Variants in ANO10 observed in about 807,000 individuals in gnomAD.
The protein encoded by ANO10 is anoctamin 10, also known as anoctamin-10.
A neutral mutation model predicts 74.7 loss-of-function variants in ANO10; 77 were observed. The observed-to-expected ratio is 1.03, with a 90% CI of 0.86 to 1.25. ANO10 has a LOEUF of 1.25. ANO10 is among the 50% of genes most tolerant of loss of function. The pLI, the probability that ANO10 is intolerant of heterozygous loss-of-function variation, is 0.00. For missense variants in ANO10, 721 were observed against 778.1 expected (o/e 0.93, Z 0.87); for synonymous variants, 279 against 284.9 (o/e 0.98, Z 0.21).
chr3:43,483,715 T>C (rs1361917699), intron 11 of ANO10, among the ~76,000 whole-genome samples: 2 of 152,198 alleles, frequency 1.3e-5, no homozygotes, highest in Non-Finnish European at 2.9e-5. Flanking sequence ...TTTGGTTTTA[T>C]ACATTTTAGG....
chr3:43,555,181 A>C (rs2079677736), intron 10 of ANO10, 97 bp downstream of exon 10: 5 of 1,275,194 alleles, frequency 3.9e-6, no homozygotes, highest in Non-Finnish European at 5.6e-6. Flanking sequence ...AGTTTTCCTA[A>C]ATCTCTCTGT....
At chr3:43,545,513 G>T (rs544153825) in intron 11 of ANO10, among the ~76,000 whole-genome samples, 1 of 151,944 alleles carries the variant, frequency 6.6e-6, no homozygotes, top group South Asian at 2.1e-4. Context: ...TTACAGGCAC[G>T]CACCACCATG....
intron 11 of ANO10, among the ~76,000 whole-genome samples, chr3:43,509,838 T>C (rs1285478329): frequency 5.9e-5 from 9 of 152,206 alleles, no homozygotes. Flanking sequence ...AATTGTGGTA[T>C]ATATATACCA....
In ANO10 at chr3:43,547,115, T is replaced by C. The variant is rs543336503; in HGVS notation, c.1797+2605A>G. Among the ~76,000 whole-genome samples, 4 of 152,202 alleles carry C rather than the reference T, an allele frequency of 2.6e-5. No homozygotes were observed. In the East Asian group the frequency reaches 5.8e-4, roughly 22 times the overall value. ...ATGATATATTTCTCTTCTGAGACCA[T>C]TGAGACTAGAAGGAAATACCAAAAT... On this transcript the variant is annotated intron_variant, in intron 11 of 12. Transcript: ENST00000292246.
chr3:43,574,743 T>A (rs1335686969), intron 7 of ANO10, 66 bp downstream of exon 7: 1 of 1,220,218 alleles, frequency 8.2e-7, no homozygotes, highest in African/African-American at 1.5e-5. Context: ...CATATTTGTA[T>A]TCCTATATAT....
intron 11 of ANO10, among the ~76,000 whole-genome samples, chr3:43,463,359 G>GA (rs757599488): frequency 5.9e-5 from 9 of 152,164 alleles, no homozygotes; most frequent in Non-Finnish European, 2.9e-5. Flanking sequence ...GCTATGAAGA[G>GA]AAAATAGCTT....
chr3:43,654,790 A>G (rs1020766671), intron 1 of ANO10, among the ~76,000 whole-genome samples: 2 of 152,160 alleles, frequency 1.3e-5, no homozygotes, highest in East Asian at 3.9e-4. Flanking sequence ...ACTGCCATAA[A>G]CAACCAGTGC....
intron 12 of ANO10, among the ~76,000 whole-genome samples, chr3:43,372,023 C>A (rs540503164): frequency 1.3e-5 from 2 of 152,102 alleles, no homozygotes; most frequent in African/African-American, 4.8e-5. Context: ...GCCTGTCAGG[C>A]GGTCCTGGAG....
intron 11 of ANO10, among the ~76,000 whole-genome samples, chr3:43,494,152 A>AT (rs535254486): frequency 1.5e-3 from 221 of 152,338 alleles, no homozygotes; most frequent in African/African-American, 5.1e-3. Flanking sequence ...AAGAGCAAAC[A>AT]TAAAATAATT....
At chr3:43,688,986 G>A (rs2084313092) in intron 1 of ANO10, among the ~76,000 whole-genome samples, 1 of 152,170 alleles carries the variant, frequency 6.6e-6, no homozygotes, top group African/African-American at 2.4e-5. Flanking sequence ...CACGGCAGAG[G>A]GCAAAGCGGG....
intron 2 of ANO10, among the ~76,000 whole-genome samples, chr3:43,602,782 G>A (rs2082395034): frequency 6.6e-6 from 1 of 152,174 alleles, no homozygotes; most frequent in African/African-American, 2.4e-5. Context: ...GGCTTATATG[G>A]AGCTCATCAA....
At chr3:43,501,637 C>T (rs1340492821) in intron 11 of ANO10, among the ~76,000 whole-genome samples, 1 of 152,124 alleles carries the variant, frequency 6.6e-6, no homozygotes, top group Non-Finnish European at 1.5e-5. Flanking sequence ...GCAATGAAGA[C>T]TAAGATTGTT....
intron 4 of ANO10, among the ~76,000 whole-genome samples, chr3:43,596,643 G>A (rs905404763): frequency 1.2e-4 from 19 of 152,138 alleles, no homozygotes; most frequent in Admixed American, 2.6e-4. Context: ...ATGTCAGACC[G>A]AAAACCATTA....
At chr3:43,654,987 A>G (rs2083831275) in intron 1 of ANO10, among the ~76,000 whole-genome samples, 1 of 152,246 alleles carries the variant, frequency 6.6e-6, no homozygotes, top group Non-Finnish European at 1.5e-5. Context: ...TATCTTTCTT[A>G]GAAGCAAAAT....
chr3:43,374,575 C>A (rs1277038595), intron 12 of ANO10, among the ~76,000 whole-genome samples: 37 of 152,148 alleles, frequency 2.4e-4, no homozygotes, highest in Admixed American at 2.1e-3. Flanking sequence ...ATAATAATAT[C>A]ACCCAACTAT....
chr3:43,663,442 T>A (rs896661339), intron 1 of ANO10, among the ~76,000 whole-genome samples: 1 of 152,184 alleles, frequency 6.6e-6, no homozygotes, highest in African/African-American at 2.4e-5. Flanking sequence ...TCATACTGAA[T>A]GGGCAAAAAC....
chr3:43,690,899 CT>C, intron 1 of ANO10: 1 of 1,374,116 alleles, frequency 7.3e-7, no homozygotes, highest in Non-Finnish European at 9.6e-7. Context: ...CGCTGGCGGC[CT>C]GCGCCGCCTT....
At chr3:43,481,010 T>C in intron 11 of ANO10, among the ~76,000 whole-genome samples, 1 of 152,046 alleles carries the variant, frequency 6.6e-6, no homozygotes, top group East Asian at 1.9e-4. Flanking sequence ...ATACTAATTG[T>C]ATAACAATAC....
At chr3:43,401,303 A>G (rs1277631723) in intron 12 of ANO10, among the ~76,000 whole-genome samples, 11 of 152,228 alleles carry the variant, frequency 7.2e-5, no homozygotes, top group African/African-American at 2.7e-4. Context: ...AGGAGAACAC[A>G]GTTCATTTTA....
Sources: gnomAD v4.1 joint callset for allele counts (sites outside exome capture counted in the v4.1 genomes callset) on GRCh38, gnomAD v4.1.1 for gene constraint, MANE v1.5 for transcripts, NCBI Gene and HGNC (gene_info 2026-07-23, HGNC 2026-07-21) for gene names.